SSBP2: variants seen among roughly 807,000 people sequenced by gnomAD.
The protein encoded by SSBP2 is single stranded DNA binding protein 2, also known as single-stranded DNA-binding protein 2.
A neutral mutation model predicts 61.8 loss-of-function variants in SSBP2; 17 were observed. That is an observed-to-expected ratio of 0.28 (90% CI 0.19 to 0.41). SSBP2 has a LOEUF of 0.41. SSBP2 is among the 10% of genes least tolerant of loss of function. The pLI, the probability that SSBP2 is intolerant of heterozygous loss-of-function variation, is 1.00. For synonymous variants in SSBP2, 139 were observed against 141.3 expected, an observed-to-expected ratio of 0.98 and a Z score of 0.12; for missense variants, 310 against 458.7, an observed-to-expected ratio of 0.68 and a Z score of 2.96.
chr5:81,506,145 G>GT (rs993511464), intron 5 of SSBP2, among the ~76,000 whole-genome samples: 3 of 151,968 alleles, frequency 2.0e-5, no homozygotes, highest in African/African-American at 7.2e-5. Context: ...AGGCACCTTT[G>GT]TTTTTTTAGT....
At chr5:81,652,943 CT>C (rs780568774) in intron 1 of SSBP2, among the ~76,000 whole-genome samples, 191 of 144,522 alleles carry the variant, frequency 1.3e-3, no homozygotes, top group East Asian at 0.01. Context: ...CACTGTATCA[CT>C]TTTTTTTTTT....
rs368422240 is a variant in SSBP2, at chr5:81,733,316, A to C, written c.62+17665T>G. 2.0e-3 allele frequency among the ~76,000 whole-genome samples: 304 copies of C among 152,302 alleles called. 2 individuals carry two copies. Among genetic ancestry groups the C allele is most frequent in the African/African-American group, 7.1e-3 (296 of 41,570 alleles). On this transcript the variant is annotated intron_variant, in intron 1 of 16. Coordinates refer to ENST00000320672, the MANE Select transcript of SSBP2 (RefSeq NM_012446.5). ...AGAACTAATCATACAGTAATAAACAAATATAGAGGGAAAAGAGAGATACTT... is the reference window on the plus strand; with the variant it reads ...AGAACTAATCATACAGTAATAAACACATATAGAGGGAAAAGAGAGATACTT...
intron 4 of SSBP2, among the ~76,000 whole-genome samples, chr5:81,564,092 G>A (rs377171763): frequency 1.3e-5 from 2 of 152,106 alleles, no homozygotes; most frequent in Non-Finnish European, 2.9e-5. Flanking sequence ...CTAAGAAACT[G>A]AATAGACATT....
chr5:81,556,070 C>T (rs1581012157), intron 4 of SSBP2, among the ~76,000 whole-genome samples: 1 of 152,178 alleles, frequency 6.6e-6, no homozygotes, highest in East Asian at 1.9e-4. Context: ...ACTTTATTTA[C>T]AAAAATTGGC....
At chr5:81,595,690 T>C (rs1178586815) in intron 4 of SSBP2, among the ~76,000 whole-genome samples, 1 of 152,208 alleles carries the variant, frequency 6.6e-6, no homozygotes, top group African/African-American at 2.4e-5. Flanking sequence ...GTTCAACATA[T>C]GCAAATCAAT....
At chr5:81,750,720 G>C (rs933375199) in intron 1 of SSBP2, 1 of 510,004 alleles carries the variant, frequency 2.0e-6, no homozygotes, top group Non-Finnish European at 3.5e-6. Flanking sequence ...TTCCATCCTC[G>C]CCACCAGCAC....
chr5:81,461,155 C>A (rs114306014), intron 9 of SSBP2, 52 bp from the exon 10 acceptor site: 1 of 1,341,310 alleles, frequency 7.5e-7, no homozygotes, highest in Non-Finnish European at 1.0e-6. Flanking sequence ...GAAGGTTTCA[C>A]AATAATCAAT....
At chr5:81,424,101 T>A (rs1761791543) in intron 16 of SSBP2, among the ~76,000 whole-genome samples, 1 of 151,980 alleles carries the variant, frequency 6.6e-6, no homozygotes, top group East Asian at 1.9e-4. Flanking sequence ...AATGGAAGCA[T>A]CAGCTCCACG....
At chr5:81,425,398 A>T (rs1214017065) in intron 16 of SSBP2, among the ~76,000 whole-genome samples, 1 of 152,164 alleles carries the variant, frequency 6.6e-6, no homozygotes, top group Non-Finnish European at 1.5e-5. Context: ...GGCTGATGTG[A>T]TTTCTTTACA....
At chr5:81,509,075 C>A (rs908473968) in intron 5 of SSBP2, among the ~76,000 whole-genome samples, 1 of 152,152 alleles carries the variant, frequency 6.6e-6, no homozygotes, top group African/African-American at 2.4e-5. Flanking sequence ...CCAGGAGAGG[C>A]TGGAAAAACT....
chr5:81,512,893 C>G (rs1768723767), intron 5 of SSBP2, among the ~76,000 whole-genome samples: 1 of 151,828 alleles, frequency 6.6e-6, no homozygotes, highest in Admixed American at 6.6e-5. Flanking sequence ...GTTCTTAGCT[C>G]CTAAGTTCTT....
intron 1 of SSBP2, among the ~76,000 whole-genome samples, chr5:81,671,821 T>C (rs2153789963): frequency 6.6e-6 from 1 of 152,152 alleles, no homozygotes; most frequent in African/African-American, 2.4e-5. Context: ...TCAAGAATGT[T>C]GAATAGGAAG....
At chr5:81,459,368 G>A (rs1368098245) in intron 10 of SSBP2, among the ~76,000 whole-genome samples, 2 of 152,156 alleles carry the variant, frequency 1.3e-5, no homozygotes, top group Non-Finnish European at 2.9e-5. Flanking sequence ...CTTCCTAGGT[G>A]CCTTGTGGGA....
At chr5:81,703,847 T>A (rs543733777) in intron 1 of SSBP2, among the ~76,000 whole-genome samples, 2 of 152,238 alleles carry the variant, frequency 1.3e-5, no homozygotes, top group Non-Finnish European at 2.9e-5. Flanking sequence ...TACTTTTTCA[T>A]TGTACCCACT....
chr5:81,449,228 C>A (rs917472256), intron 10 of SSBP2, among the ~76,000 whole-genome samples: 2 of 152,068 alleles, frequency 1.3e-5, no homozygotes, highest in African/African-American at 4.8e-5. Flanking sequence ...TTTGTTAATA[C>A]GAGTCTCCAA....
At chr5:81,618,177 G>C (rs1746240929) in intron 3 of SSBP2, among the ~76,000 whole-genome samples, 1 of 80,968 alleles carries the variant, frequency 1.2e-5, no homozygotes, top group Non-Finnish European at 2.6e-5. Context: ...AAAGAGTCAA[G>C]ACCCATCAGT....
chr5:81,711,690 T>C (rs1405940010), intron 1 of SSBP2, among the ~76,000 whole-genome samples: 1 of 120,828 alleles, frequency 8.3e-6, no homozygotes, highest in Admixed American at 9.2e-5. Context: ...TCACTCTACA[T>C]GATAAAAAAA....
intron 3 of SSBP2, among the ~76,000 whole-genome samples, chr5:81,625,605 C>A (rs750899167): frequency 2.6e-5 from 4 of 152,100 alleles, no homozygotes; most frequent in Admixed American, 6.6e-5. Flanking sequence ...GATCTCATAT[C>A]ATTTATTATT....
intron 2 of SSBP2, among the ~76,000 whole-genome samples, chr5:81,641,302 A>T (rs545556672): frequency 1.8e-4 from 27 of 152,356 alleles, no homozygotes; most frequent in African/African-American, 6.0e-4. Flanking sequence ...AGCCTGAGGT[A>T]ATACATTTGT....
Sources: gnomAD v4.1 joint callset for allele counts (sites outside exome capture counted in the v4.1 genomes callset) on GRCh38, gnomAD v4.1.1 for gene constraint, MANE v1.5 for transcripts, NCBI Gene and HGNC (gene_info 2026-07-23, HGNC 2026-07-21) for gene names.